The following GATD1 variants were observed in gnomAD, a reference collection of about 807,000 sequenced individuals.
GATD1 encodes the protein glutamine amidotransferase-like class 1 domain-containing protein 1.
In GATD1, 23 loss-of-function variants were observed where a neutral mutation model predicts 25.9. The observed-to-expected ratio is 0.89, with a 90% CI of 0.64 to 1.26. GATD1 has a LOEUF of 1.26. Ranked by LOEUF, GATD1 falls within the 50% of genes most tolerant of loss-of-function variation. The pLI is 0.00. For synonymous variants in GATD1, 177 were observed against 134.6 expected (o/e 1.31, Z -2.18); for missense variants, 347 against 312.5 (o/e 1.11, Z -0.83).
rs1382804797 is a variant in GATD1, at chr11:768,287, G to A, written c.*2610C>T. On this transcript the variant is annotated 3_prime_UTR_variant, in exon 8 of 8. Transcript: ENST00000319863. ...AGATCGAGACCATCCTGGCCAACAT[G>A]GTGAAACCCCGTCTCTACTGAAAAT... is the stretch of plus-strand genomic sequence containing the variant. 6.6e-6 allele frequency: 1 copy of A among 151,272 alleles called. No homozygotes were observed. The allele number at this position is 151,272 out of a possible 1,614,324, so 9.4% of individuals were successfully genotyped here.
rs373630284 is a variant in GATD1 at position 767,253 on chromosome 11, T to C, written c.*3644A>G. On this transcript the variant is annotated 3_prime_UTR_variant, in exon 8 of 8. Coordinates refer to ENST00000319863, the MANE Select transcript of GATD1 (RefSeq NM_182612.4). ...TGCTGCTGCATGGTTTTATTCCTCA[T>C]GGGTAGATGAACACACACTGGTATA... is the stretch of plus-strand genomic sequence containing the variant. 1,647 of 1,536,074 alleles carry C rather than the reference T, an allele frequency of 1.1e-3. 37 individuals are homozygous for C. In the South Asian group the frequency reaches 0.018, roughly 17 times the overall value.
At position 771,438 on chromosome 11, in the gene GATD1, G is replaced by T; in HGVS notation, c.451-12C>A. On this transcript the variant is annotated splice_polypyrimidine_tract_variant and intron_variant, in intron 5 of 7. Coordinates refer to ENST00000319863, the MANE Select transcript of GATD1 (RefSeq NM_182612.4). ...TCACACACAGAGGGCTGCGGGAGCG[G>T]GGTGGGGGCTCCTGAGACAGGCCCA... 6.6e-7 allele frequency: 1 copy of T among 1,518,616 alleles called. No individual in the cohort carries two copies. The highest frequency in any genetic ancestry group is 1.3e-5 in the South Asian group (1 of 75,594). 94.1% of individuals were successfully genotyped at this position (1,518,616 alleles called of 1,614,324 possible).
Position 767,471 on chromosome 11 carries a change from C to T in GATD1, c.*3426G>A, listed in dbSNP as rs1349196401. 42 of 1,448,450 alleles carry T rather than the reference C, an allele frequency of 2.9e-5. No individual in the cohort carries two copies. Among genetic ancestry groups the T allele is most frequent in the South Asian group, 5.8e-5 (4 of 69,548 alleles). 89.7% of individuals were successfully genotyped at this position (1,448,450 alleles called of 1,614,324 possible). The stretch of plus-strand genomic sequence containing the variant: ...CGCAGGGGCCTGCAGGCAGCTCACG[C>T]GGAGACAGGTCTGTGGGGCCCCGCG... On this transcript the variant is annotated 3_prime_UTR_variant, in exon 8 of 8. Transcript: ENST00000319863.
At chr11:775,414 G>A (rs901684042) in intron 1 of GATD1, among the ~76,000 whole-genome samples, 3 of 152,216 alleles carry the variant, frequency 2.0e-5, no homozygotes, top group African/African-American at 4.8e-5. Flanking sequence ...CCCCCATGGC[G>A]GGCTCTTTCC....
At chr11:777,230 CAT>C (rs1864088185) in intron 1 of GATD1, 167 bp downstream of exon 1, 2 of 266,124 alleles carry the variant, frequency 7.5e-6, no homozygotes, top group Non-Finnish European at 1.3e-5. Flanking sequence ...CCCCGAGCTC[CAT>C]CCCGACACCG....
At chr11:772,117 C>T (rs1434040965) in intron 5 of GATD1, among the ~76,000 whole-genome samples, 2 of 152,216 alleles carry the variant, frequency 1.3e-5, no homozygotes, top group Non-Finnish European at 2.9e-5. Flanking sequence ...GATGCCCCTC[C>T]CTCCCCACGT....
In GATD1 at chr11:775,136, G is replaced by C. The variant is rs139608981; in HGVS notation, c.71C>G (p.Ser24Trp). The C allele has an allele frequency of 3.6e-4, 574 of 1,600,958 alleles. No homozygotes were observed. The highest frequency in any genetic ancestry group is 4.7e-4 in the Non-Finnish European group (548 of 1,175,156). ...LVASGAAEGVSAQSFLHCFTM... is the reference protein window; with the variant it reads ...LVASGAAEGVWAQSFLHCFTM... ...GAAACAGTGGAGGAAGGACTGGGCCGACACACCTGCAGAAGGTCCCAGTGA... is the reference window on the plus strand; with the variant it reads ...GAAACAGTGGAGGAAGGACTGGGCCCACACACCTGCAGAAGGTCCCAGTGA... Residue 24 changes from serine (S) to tryptophan (W), a missense_variant, in exon 2 of 8, where the codon TCG (serine) becomes TGG (tryptophan). Coordinates refer to ENST00000319863, the MANE Select transcript of GATD1 (RefSeq NM_182612.4).
chr11:773,867 T>TG, intron 3 of GATD1, 141 bp downstream of exon 3: 1 of 756,078 alleles, frequency 1.3e-6, no homozygotes, highest in Non-Finnish European at 2.1e-6. Context: ...GCCCAGGATG[T>TG]GGGGCTGGAG....
intron 2 of GATD1, among the ~76,000 whole-genome samples, chr11:774,744 T>C (rs933245693): frequency 3.9e-5 from 6 of 152,212 alleles, no homozygotes; most frequent in East Asian, 3.9e-4. Flanking sequence ...GCAGGAGGAC[T>C]GCTTGAACCC....
rs1210462910 is a variant in GATD1, at chr11:770,606, C to T, written c.*291G>A. ...ACCAGTCCTCCCTAGAAAACCCAGCCTGGAATTCCCGAGGACCACCTAGCA... is the reference window on the plus strand; with the variant it reads ...ACCAGTCCTCCCTAGAAAACCCAGCTTGGAATTCCCGAGGACCACCTAGCA... On this transcript the variant is annotated 3_prime_UTR_variant, in exon 8 of 8. Coordinates refer to ENST00000319863, the MANE Select transcript of GATD1 (RefSeq NM_182612.4). 7.1e-7 allele frequency: 1 copy of T among 1,411,442 alleles called. No homozygotes were observed. The highest frequency in any genetic ancestry group is 2.5e-5 in the East Asian group (1 of 39,626). The allele number at this position is 1,411,442 out of a possible 1,614,324, so 87.4% of individuals were successfully genotyped here. A position where few individuals can be genotyped will look rare whatever the true frequency, so the allele number is the denominator to read the frequency against.
rs974956346 is a variant in GATD1 at position 769,617 on chromosome 11, GT to G, written c.*1279del. 66 of 139,830 alleles carry G rather than the reference GT, an allele frequency of 4.7e-4. No individual in the cohort carries two copies. Among genetic ancestry groups the G allele is most frequent in the African/African-American group, 1.4e-3 (51 of 37,370 alleles). The allele number at this position is 139,830 out of a possible 1,614,324, so 8.7% of individuals were successfully genotyped here. A position where few individuals can be genotyped will look rare whatever the true frequency, so the allele number is the denominator to read the frequency against. The stretch of plus-strand genomic sequence containing the variant: ...AGCCACCGCGCCCAGCCAACTGAAC[GT>G]TTTTTTTTTGAGATGGAGTCTCACT... On this transcript the variant is annotated 3_prime_UTR_variant, in exon 8 of 8. Transcript: ENST00000319863.
rs116697492 is a variant in GATD1, at chr11:771,248, G to A, written c.544+85C>T. ...GCCATGGGGGTCTATAGAACCCAGG[G>A]CCCAGGAGGCTTCTCCCCCAGGCTG... On this transcript the variant is annotated intron_variant, in intron 6 of 7. Coordinates refer to ENST00000319863, the MANE Select transcript of GATD1 (RefSeq NM_182612.4). 3.4e-3 allele frequency: 5,269 copies of A among 1,554,692 alleles called. 129 individuals carry two copies. In the African/African-American group the frequency reaches 0.061, roughly 18 times the overall value.
At position 772,429 on chromosome 11, in the gene GATD1, C is replaced by T. The variant is rs1165902178; in HGVS notation, c.448G>A (p.Gly150Arg). 1 of 1,612,918 alleles carries T rather than the reference C, an allele frequency of 6.2e-7. No homozygotes were observed. Residue 150 changes from glycine (G) to arginine (R), a missense_variant and splice_region_variant, in exon 5 of 8, where the codon GGG becomes AGG. Transcript: ENST00000319863. ...TGCCTCGGCCTCCAGACACTCACCC[C>T]TGTCAGGCTGTAGCTGTCGAACACC... ...SWVFDSYSLT[G>R]PSVCELVRAP...
At chr11:775,268 A>C in intron 1 of GATD1, 126 bp from the exon 2 acceptor site, 1 of 718,058 alleles carries the variant, frequency 1.4e-6, no homozygotes, top group Non-Finnish European at 2.3e-6. Context: ...TCTCCCCTAC[A>C]CCCAAGAACG....
At position 768,997 on chromosome 11, in the gene GATD1, A is replaced by G; in HGVS notation, c.*1900T>C. 1 of 337,326 alleles carries G rather than the reference A, an allele frequency of 3.0e-6. No individual in the cohort carries two copies. Among genetic ancestry groups the G allele is most frequent in the Non-Finnish European group, 4.2e-6 (1 of 237,700 alleles). 20.9% of individuals were successfully genotyped at this position (337,326 alleles called of 1,614,324 possible). A position where few individuals can be genotyped will look rare whatever the true frequency, so the allele number is the denominator to read the frequency against. ...ACACCTGTAATCCCAGCTACTCCGG[A>G]GGCTGAGGCAGGAGAATCGCTTGAA... is the stretch of plus-strand genomic sequence containing the variant. On this transcript the variant is annotated 3_prime_UTR_variant, in exon 8 of 8. Coordinates refer to ENST00000319863, the MANE Select transcript of GATD1 (RefSeq NM_182612.4).
rs1429270514 is a variant in GATD1 at position 777,389 on chromosome 11, C to G, written c.64+10G>C. On this transcript the variant is annotated intron_variant, in intron 1 of 7. Coordinates refer to ENST00000319863, the MANE Select transcript of GATD1 (RefSeq NM_182612.4). ...CTCTTCGGACACTGGCCCCGGCCGCCGGGCCTCACCTTCGGCGGCGCCGCT... is the reference window on the plus strand; with the variant it reads ...CTCTTCGGACACTGGCCCCGGCCGCGGGGCCTCACCTTCGGCGGCGCCGCT... 1.5e-6 allele frequency: 2 copies of G among 1,296,104 alleles called. No homozygotes were observed. Among genetic ancestry groups the G allele is most frequent in the East Asian group, 3.3e-5 (1 of 29,918 alleles). 80.3% of individuals were successfully genotyped at this position (1,296,104 alleles called of 1,614,324 possible).
Position 772,437 on chromosome 11 carries a change from C to G in GATD1, c.440G>C (p.Ser147Thr). The change falls in exon 5 of 8, where the codon AGC (serine) becomes ACC (threonine). Residue 147 changes from serine to threonine, a missense_variant. Physicochemically the swap from Ser to Thr is moderately conservative, Grantham distance 58 (BLOSUM62 1). Transcript: ENST00000319863. Reference sequence around the variant, plus strand: ...CCTCCAGACACTCACCCCTGTCAGGCTGTAGCTGTCGAACACCCAGGATCT... The same window carrying G: ...CCTCCAGACACTCACCCCTGTCAGGGTGTAGCTGTCGAACACCCAGGATCT... ...EDRSWVFDSY[S>T]LTGPSVCELV... 1.9e-6 allele frequency: 3 copies of G among 1,613,438 alleles called. No individual in the cohort carries two copies. Among genetic ancestry groups the G allele is most frequent in the Non-Finnish European group, 2.5e-6 (3 of 1,179,952 alleles).
intron 1 of GATD1, among the ~76,000 whole-genome samples, chr11:776,272 C>A (rs939143237): frequency 6.6e-5 from 10 of 152,254 alleles, no homozygotes; most frequent in Middle Eastern, 3.4e-3. Context: ...TGAGCCACTG[C>A]GCCCAGACTC....
chr11:773,966 G>A, intron 3 of GATD1, 42 bp downstream of exon 3: 1 of 1,578,160 alleles, frequency 6.3e-7, no homozygotes, highest in African/African-American at 1.3e-5. Context: ...ACCCTCCAAG[G>A]TCCCAGGCAC....
Sources: allele counts gnomAD v4.1 joint callset (sites outside exome capture counted in the v4.1 genomes callset), GRCh38; gene constraint gnomAD v4.1.1; transcripts MANE v1.5; gene names NCBI Gene and HGNC (gene_info 2026-07-23, HGNC 2026-07-21).